Variants in TAOK3 observed in about 807,000 individuals in gnomAD.
The protein encoded by TAOK3 is TAO kinase 3, also known as serine/threonine-protein kinase TAO3.
A neutral mutation model predicts 120.4 loss-of-function variants in TAOK3; 40 were observed. The observed-to-expected ratio is 0.33, with a 90% CI of 0.26 to 0.43. The LOEUF is 0.43. TAOK3 is among the 20% of genes least tolerant of loss of function. The pLI, the probability that TAOK3 is intolerant of heterozygous loss-of-function variation, is 1.00. For synonymous variants in TAOK3, 355 were observed against 387.5 expected (o/e 0.92, Z 0.99); for missense variants, 821 against 1,112.1 (o/e 0.74, Z 3.72).
At chr12:118,321,300 G>A (rs1024857106) in intron 1 of TAOK3, among the ~76,000 whole-genome samples, 9 of 151,784 alleles carry the variant, frequency 5.9e-5, no homozygotes, top group Non-Finnish European at 1.0e-4. Flanking sequence ...TCACTCTGTC[G>A]CCGAAGCTGG....
At chr12:118,318,053 G>T (rs117458990) in intron 1 of TAOK3, among the ~76,000 whole-genome samples, 92 of 151,880 alleles carry the variant, frequency 6.1e-4, no homozygotes, top group Non-Finnish European at 6.6e-4. Context: ...GGGATAACTG[G>T]ATATCCATAG....
At chr12:118,242,948 T>C (rs2040319621) in intron 5 of TAOK3, among the ~76,000 whole-genome samples, 1 of 151,826 alleles carries the variant, frequency 6.6e-6, no homozygotes, top group South Asian at 2.1e-4. Flanking sequence ...TATTTATATA[T>C]ATATATCACA....
intron 1 of TAOK3, among the ~76,000 whole-genome samples, chr12:118,315,594 T>C (rs2043428212): frequency 6.6e-6 from 1 of 152,182 alleles, no homozygotes; most frequent in Non-Finnish European, 1.5e-5. Context: ...ACTCCAAATA[T>C]ATGTTTTTAT....
intron 9 of TAOK3, among the ~76,000 whole-genome samples, chr12:118,215,603 C>A (rs960028451): frequency 6.6e-6 from 1 of 151,790 alleles, no homozygotes; most frequent in African/African-American, 2.4e-5. Context: ...CTGATTCAGG[C>A]CAAATAATTG....
chr12:118,344,055 A>T (rs2044747415), intron 1 of TAOK3, among the ~76,000 whole-genome samples: 2 of 151,616 alleles, frequency 1.3e-5, no homozygotes, highest in African/African-American at 4.8e-5. Context: ...AAGCTCTACA[A>T]GATTAAGAAA....
At chr12:118,298,698 A>C (rs934449853) in intron 1 of TAOK3, among the ~76,000 whole-genome samples, 3 of 152,242 alleles carry the variant, frequency 2.0e-5, no homozygotes, top group Admixed American at 2.0e-4. Context: ...GAAAATGAGA[A>C]TGAAACATGC....
In TAOK3 at chr12:118,172,770, C is replaced by T. The variant is rs1005086066; in HGVS notation, c.1696-110G>A. ...TGGAAAGCCAATGCAGATGTAAGCA[C>T]AGAAAAGCTTAGTGTTGCACATCCT... On this transcript the variant is annotated intron_variant, in intron 16 of 20. Transcript: ENST00000392533. 3.0e-6 allele frequency: 3 copies of T among 1,013,340 alleles called. No individual in the cohort carries two copies. In the Admixed American group the frequency reaches 6.0e-5, roughly 20 times the overall value. 62.8% of individuals were successfully genotyped at this position (1,013,340 alleles called of 1,614,324 possible).
At chr12:118,317,685 C>T (rs886758752) in intron 1 of TAOK3, among the ~76,000 whole-genome samples, 1 of 151,992 alleles carries the variant, frequency 6.6e-6, no homozygotes, top group African/African-American at 2.4e-5. Context: ...CAATATGACT[C>T]CAAACAATAT....
At chr12:118,360,528 A>G (rs2045560406) in intron 1 of TAOK3, among the ~76,000 whole-genome samples, 1 of 146,654 alleles carries the variant, frequency 6.8e-6, no homozygotes, top group South Asian at 2.2e-4. Flanking sequence ...AGATCGCGCC[A>G]CTGGACTCCA....
At chr12:118,230,594 G>A (rs1310616166) in intron 9 of TAOK3, among the ~76,000 whole-genome samples, 6 of 149,966 alleles carry the variant, frequency 4.0e-5, no homozygotes, top group Non-Finnish European at 8.9e-5. Context: ...TCAGCCTCCC[G>A]AGTAGCTGGG....
At position 118,255,591 on chromosome 12, in the gene TAOK3, CT is replaced by C. The variant is rs1409663323; in HGVS notation, c.-25del. Reference sequence around the variant, plus strand: ...ATGATGGCCAGTAGAGCAGGCTCTGCTTTTTGATATCAGTTAGCTTTATTTC... The same window carrying C: ...ATGATGGCCAGTAGAGCAGGCTCTGCTTTTGATATCAGTTAGCTTTATTTC... On this transcript the variant is annotated 5_prime_UTR_variant, in exon 3 of 21. Transcript: ENST00000392533. 1 of 1,581,198 alleles carries C rather than the reference CT, an allele frequency of 6.3e-7. No homozygotes were observed.
At chr12:118,362,452 G>A (rs548503273) in intron 1 of TAOK3, among the ~76,000 whole-genome samples, 1 of 152,194 alleles carries the variant, frequency 6.6e-6, no homozygotes, top group East Asian at 1.9e-4. Context: ...CTATGGGTTG[G>A]ACAAGTTTGC....
chr12:118,267,751 G>A (rs1319908587), intron 1 of TAOK3, among the ~76,000 whole-genome samples: 2 of 151,188 alleles, frequency 1.3e-5, no homozygotes, highest in African/African-American at 4.8e-5. Context: ...TGAGCCTGGT[G>A]GCATGTGCCT....
intron 13 of TAOK3, among the ~76,000 whole-genome samples, chr12:118,193,587 C>G (rs1470829503): frequency 6.6e-6 from 1 of 151,976 alleles, no homozygotes; most frequent in African/African-American, 2.4e-5. Flanking sequence ...CGTGGTTAGG[C>G]ACTTGCCTAG....
Position 118,312,349 on chromosome 12 carries a change from A to G in TAOK3, c.-193-45590T>C, listed in dbSNP as rs532349437. Among the ~76,000 whole-genome samples the G allele has an allele frequency of 1.1e-4, 17 of 152,298 alleles. No individual in the cohort carries two copies. The South Asian group carries it at 3.1e-3, about 28-fold the overall frequency. On this transcript the variant is annotated intron_variant, in intron 1 of 20. Transcript: ENST00000392533. ...TTAAGACTACTTTAAAGCCTATAGA[A>G]AAAATATGGCTAAATTATATAAGCA...
intron 1 of TAOK3, among the ~76,000 whole-genome samples, chr12:118,293,515 AAAAT>A (rs1311831980): frequency 3.3e-5 from 5 of 151,982 alleles, no homozygotes; most frequent in African/African-American, 1.2e-4. Flanking sequence ...GTTTCTAAAA[AAAAT>A]AAAAAATTAG....
chr12:118,194,757 C>T (rs1593117403), intron 13 of TAOK3, among the ~76,000 whole-genome samples: 1 of 151,472 alleles, frequency 6.6e-6, no homozygotes, highest in Non-Finnish European at 1.5e-5. Flanking sequence ...TTTTTTTCCC[C>T]CTCCACCAGA....
chr12:118,193,659 G>C (rs1011813386), intron 13 of TAOK3, among the ~76,000 whole-genome samples: 2 of 152,124 alleles, frequency 1.3e-5, no homozygotes, highest in African/African-American at 4.8e-5. Context: ...ATGTTGCCCA[G>C]GCTGGTCTTG....
intron 2 of TAOK3, among the ~76,000 whole-genome samples, chr12:118,265,008 T>C (rs1485057521): frequency 6.6e-6 from 1 of 151,974 alleles, no homozygotes; most frequent in Admixed American, 6.6e-5. Context: ...CACTCTGGCC[T>C]GGGCAACAGA....
Sources: allele counts gnomAD v4.1 joint callset (sites outside exome capture counted in the v4.1 genomes callset), GRCh38; gene constraint gnomAD v4.1.1; transcripts MANE v1.5; gene names NCBI Gene and HGNC (gene_info 2026-07-23, HGNC 2026-07-21).